C7orf78: variants seen among roughly 807,000 people sequenced by gnomAD.
C7orf78 encodes chromosome 7 open reading frame 78.
At chr7:12,497,034 G>A in the C7orf78 span, among the ~76,000 whole-genome samples, 1 of 152,118 alleles carries the variant, frequency 6.6e-6, no homozygotes, top group East Asian at 1.9e-4. Context: ...AAAATGAACA[G>A]TTAAAAGAAA....
the C7orf78 span, among the ~76,000 whole-genome samples, chr7:12,526,266 T>A: frequency 6.6e-6 from 1 of 152,122 alleles, no homozygotes; most frequent in African/African-American, 2.4e-5. Context: ...ATGCAGATGA[T>A]AACAACTGAA....
the C7orf78 span, among the ~76,000 whole-genome samples, chr7:12,488,426 AAACT>A: frequency 6.6e-6 from 1 of 152,116 alleles, no homozygotes; most frequent in Non-Finnish European, 1.5e-5. Context: ...ATGCAAATAC[AAACT>A]AACTAAATTG....
chr7:12,487,651 C>A, the C7orf78 span, among the ~76,000 whole-genome samples: 1 of 151,964 alleles, frequency 6.6e-6, no homozygotes, highest in Non-Finnish European at 1.5e-5. Flanking sequence ...TAATTTGGAC[C>A]AATAAAGGAT....
chr7:12,491,367 G>GT, the C7orf78 span: 1 of 152,122 alleles, frequency 6.6e-6, no homozygotes, highest in Non-Finnish European at 1.5e-5. Flanking sequence ...TCCTTTGGAT[G>GT]TTTTTTAGCT....
chr7:12,507,256 C>T, the C7orf78 span: 2 of 150,402 alleles, frequency 1.3e-5, no homozygotes, highest in South Asian at 1.8e-4. Flanking sequence ...TGCAGTGAGC[C>T]AAGATCGTGC....
At chr7:12,505,645 A>G in the C7orf78 span, among the ~76,000 whole-genome samples, 1 of 152,174 alleles carries the variant, frequency 6.6e-6, no homozygotes, top group Admixed American at 6.5e-5. Context: ...TATAAAAGCA[A>G]CATTTACTAT....
chr7:12,541,559 A>G, the C7orf78 span: 1 of 152,178 alleles, frequency 6.6e-6, no homozygotes, highest in Non-Finnish European at 1.5e-5. Context: ...TTCATGACAC[A>G]GTGAAGTTCT....
chr7:12,488,693 G>A, the C7orf78 span, among the ~76,000 whole-genome samples: 1 of 151,732 alleles, frequency 6.6e-6, no homozygotes, highest in South Asian at 2.1e-4. Context: ...TAAAGCCCTT[G>A]GACATTCAAT....
At chr7:12,486,087 G>C in the C7orf78 span, among the ~76,000 whole-genome samples, 1 of 152,004 alleles carries the variant, frequency 6.6e-6, no homozygotes, top group South Asian at 2.1e-4. Context: ...CTACACATTT[G>C]TTTTGCCTAG....
the C7orf78 span, among the ~76,000 whole-genome samples, chr7:12,520,567 A>T: frequency 6.6e-6 from 1 of 151,994 alleles, no homozygotes; most frequent in Non-Finnish European, 1.5e-5. Context: ...TTCTAGTTTT[A>T]TTCCACTGTA....
chr7:12,497,482 CGGGAAAATCG>C, the C7orf78 span, among the ~76,000 whole-genome samples: 5 of 6,280 alleles, frequency 8.0e-4, no homozygotes, highest in Non-Finnish European at 1.7e-3. Flanking sequence ...CCTGGAGAAT[CGGGAAAATCG>C]GGTCACTCCC....
the C7orf78 span, among the ~76,000 whole-genome samples, chr7:12,492,968 C>T: frequency 6.6e-6 from 1 of 152,076 alleles, no homozygotes; most frequent in East Asian, 1.9e-4. Flanking sequence ...TTTGGGAGGC[C>T]GAGGTGGGTG....
chr7:12,486,935 T>C, the C7orf78 span: 1 of 108,810 alleles, frequency 9.2e-6, no homozygotes, highest in Non-Finnish European at 1.8e-5. Flanking sequence ...ATTTTTATAA[T>C]TTAATTTATA....
At chr7:12,493,485 C>T in the C7orf78 span, among the ~76,000 whole-genome samples, 1 of 152,148 alleles carries the variant, frequency 6.6e-6, no homozygotes, top group Admixed American at 6.5e-5. Context: ...TGGGCCCTAC[C>T]TCCAAAATTT....
chr7:12,488,845 C>T, the C7orf78 span, among the ~76,000 whole-genome samples: 2 of 150,772 alleles, frequency 1.3e-5, no homozygotes, highest in South Asian at 2.1e-4. Flanking sequence ...TGAAATGTTT[C>T]TTGTAAAGTA....
chr7:12,511,035 C>G, the C7orf78 span, among the ~76,000 whole-genome samples: 1 of 152,054 alleles, frequency 6.6e-6, no homozygotes, highest in Non-Finnish European at 1.5e-5. Context: ...ATGTTAAAGT[C>G]TTTAATCCAT....
the C7orf78 span, among the ~76,000 whole-genome samples, chr7:12,490,193 T>C: frequency 6.6e-6 from 1 of 152,150 alleles, no homozygotes; most frequent in African/African-American, 2.4e-5. Context: ...AAAGTAGTGG[T>C]CTATTTACAT....
the C7orf78 span, among the ~76,000 whole-genome samples, chr7:12,497,329 A>G: frequency 6.6e-6 from 1 of 152,178 alleles, no homozygotes; most frequent in South Asian, 2.1e-4. Context: ...TCATCTCACT[A>G]GAGAGTGCCA....
At chr7:12,498,684 C>A in the C7orf78 span, among the ~76,000 whole-genome samples, 5,445 of 151,908 alleles carry the variant, frequency 0.036, 325 homozygotes, top group African/African-American at 0.12. Flanking sequence ...AGGAGAATTT[C>A]CCCAATCTAG....
Sources: allele counts gnomAD v4.1 joint callset (sites outside exome capture counted in the v4.1 genomes callset), GRCh38; gene constraint gnomAD v4.1.1; transcripts MANE v1.5; gene names NCBI Gene and HGNC (gene_info 2026-07-23, HGNC 2026-07-21).